Variants in SEZ6 observed in about 807,000 individuals in gnomAD.
The protein encoded by SEZ6 is seizure protein 6 homolog.
Under a neutral mutation model 101.0 loss-of-function variants are expected in SEZ6, and 53 were observed. The observed-to-expected ratio is 0.52, with a 90% confidence interval of 0.42 to 0.66. The LOEUF (loss-of-function observed/expected upper bound fraction) is 0.66, where lower values mean the gene tolerates loss of function less well. Among genes scored for constraint, SEZ6 ranks in the 30% least tolerant of loss-of-function variants. SEZ6 has a pLI of 0.00. For missense variants in SEZ6, 1,102 were observed against 1,289.4 expected (o/e 0.85, Z 2.23); for synonymous variants, 488 against 512.2 (o/e 0.95, Z 0.64).
chr17:28,987,704 G>A (rs574029475), intron 1 of SEZ6, among the ~76,000 whole-genome samples: 32 of 152,134 alleles, frequency 2.1e-4, no homozygotes, highest in Admixed American at 5.2e-4. Context: ...TCACTTACTC[G>A]GTGCCCACTG....
At chr17:28,985,288 T>C (rs2041364293) in intron 1 of SEZ6, among the ~76,000 whole-genome samples, 1 of 152,192 alleles carries the variant, frequency 6.6e-6, no homozygotes, top group Non-Finnish European at 1.5e-5. Flanking sequence ...GCTTCTGGCA[T>C]TGGGACTTGG....
chr17:28,966,292 G>A (rs1194107752), intron 4 of SEZ6, among the ~76,000 whole-genome samples: 1 of 147,206 alleles, frequency 6.8e-6, no homozygotes, highest in Non-Finnish European at 1.5e-5. Context: ...CAGCTAACAT[G>A]GTAAAACCCC....
chr17:29,003,788 G>C (rs1180237644), intron 1 of SEZ6, among the ~76,000 whole-genome samples: 2 of 152,160 alleles, frequency 1.3e-5, no homozygotes, highest in Non-Finnish European at 2.9e-5. Context: ...TCTCCCTTGG[G>C]GAGTGAAAAT....
At chr17:28,972,044 C>T (rs1567990009) in intron 3 of SEZ6, among the ~76,000 whole-genome samples, 1 of 152,274 alleles carries the variant, frequency 6.6e-6, no homozygotes. Flanking sequence ...CCACCCCTCA[C>T]TTCTGCCCCC....
chr17:28,960,732 A>G, intron 6 of SEZ6, 61 bp from the exon 7 acceptor site: 1 of 1,611,466 alleles, frequency 6.2e-7, no homozygotes, highest in East Asian at 2.2e-5. Context: ...GTGTGGCCCC[A>G]GGCTTGGGTA....
Position 28,982,152 on chromosome 17 carries a change from G to A in SEZ6, c.56-113C>T, listed in dbSNP as rs184713236. 619 of 1,428,380 alleles carry A rather than the reference G, an allele frequency of 4.3e-4. 1 individual carries two copies. Among genetic ancestry groups the A allele is most frequent in the Non-Finnish European group, 5.2e-4 (572 of 1,093,660 alleles). 88.5% of individuals were successfully genotyped at this position (1,428,380 alleles called of 1,614,324 possible). A position where few individuals can be genotyped will look rare whatever the true frequency, so the allele number is the denominator to read the frequency against. On this transcript the variant is annotated intron_variant, in intron 1 of 16. Transcript: ENST00000317338. ...CTTTTGACAGACAGCCCTGAGGAGC[G>A]TGCTCACTGCTGAGAATCACGGAAC...
At chr17:28,958,969 C>G in intron 10 of SEZ6, 56 bp downstream of exon 10, 4 of 1,549,950 alleles carry the variant, frequency 2.6e-6, no homozygotes, top group South Asian at 1.2e-5. Flanking sequence ...GCCCTAGCCT[C>G]TTTGGCTTGC....
Position 28,959,200 on chromosome 17 carries a change from A to G in SEZ6, c.1932T>C (p.Asp644=), listed in dbSNP as rs2040932996. The G allele has an allele frequency of 1.2e-6, 2 of 1,613,460 alleles. No homozygotes were observed. Among genetic ancestry groups the G allele is most frequent in the African/African-American group, 1.3e-5 (1 of 75,040 alleles). ...CATCCCCATCATAGAAGGTAAGCAC[A>G]TCACCAGGGCCTATGCGCAGCCTGT... is the stretch of plus-strand genomic sequence containing the variant. ...DIRVLRIGPG[D]VLTFYDGDDL... The change falls in exon 10 of 17, where the codon GAT becomes GAC. Residue 644 remains aspartate (D), a synonymous_variant. Coordinates refer to ENST00000317338, the MANE Select transcript of SEZ6 (RefSeq NM_178860.5). This position sits in a 1 kb window ranked among gnomAD's most constrained non-coding sequence, Gnocchi z 4.4.
At chr17:29,004,426 A>G (rs912022933) in intron 1 of SEZ6, among the ~76,000 whole-genome samples, 1 of 152,156 alleles carries the variant, frequency 6.6e-6, no homozygotes, top group African/African-American at 2.4e-5. Context: ...ACGTGAGCAC[A>G]CGGTTTCAAG....
At chr17:28,987,059 G>T (rs966965883) in intron 1 of SEZ6, among the ~76,000 whole-genome samples, 2 of 152,198 alleles carry the variant, frequency 1.3e-5, no homozygotes, top group Non-Finnish European at 2.9e-5. Flanking sequence ...GCATGACAGC[G>T]TGTGGGTACA....
At chr17:28,969,522 C>T (rs2041119259) in intron 4 of SEZ6, among the ~76,000 whole-genome samples, 1 of 152,152 alleles carries the variant, frequency 6.6e-6, no homozygotes, top group Admixed American at 6.5e-5. Context: ...GCTACCTGAT[C>T]CTGAGTCAAG....
chr17:29,003,094 G>C lies in SEZ6; in HGVS notation c.55+2721C>G, dbSNP rs116161796. On this transcript the variant is annotated intron_variant, in intron 1 of 16. Coordinates refer to ENST00000317338, the MANE Select transcript of SEZ6 (RefSeq NM_178860.5). The stretch of plus-strand genomic sequence containing the variant: ...GGCTTCCACCTTCATAATCTCCCTA[G>C]GCCACATTCACACATGCAGAGTTTA... 6.1e-3 allele frequency among the ~76,000 whole-genome samples: 922 copies of C among 152,232 alleles called. 10 individuals carry two copies. The highest frequency in any genetic ancestry group is 0.022 in the African/African-American group (896 of 41,516).
intron 1 of SEZ6, among the ~76,000 whole-genome samples, chr17:28,984,535 C>G (rs936556244): frequency 1.2e-4 from 19 of 152,208 alleles, no homozygotes; most frequent in African/African-American, 3.6e-4. Flanking sequence ...CGCTGGCTGC[C>G]AGGTGGGTGC....
At position 28,981,977 on chromosome 17, in the gene SEZ6, C is replaced by T; in HGVS notation, c.118G>A (p.Gly40Ser). Residue 40 changes from glycine (G) to serine (S), a missense_variant, in exon 2 of 17, where the codon GGC becomes AGC. By Grantham distance (56) the Gly-to-Ser change is moderately conservative (BLOSUM62 0). Coordinates refer to ENST00000317338, the MANE Select transcript of SEZ6 (RefSeq NM_178860.5). ...GGTGTGGGGGCTGCTGTCAGCTCGC[C>T]ATCTGTCTCCTCGATGCCTGGGGCT... ...GQAPGIEETD[G>S]ELTAAPTPEQ... The T allele has an allele frequency of 6.2e-7, 1 of 1,612,974 alleles. No individual in the cohort carries two copies. The highest frequency in any genetic ancestry group is 1.3e-5 in the African/African-American group (1 of 75,018).
rs760390674 is a variant in SEZ6, at chr17:28,981,565, G to C, written c.530C>G (p.Pro177Arg). 11 of 1,612,302 alleles carry C rather than the reference G, an allele frequency of 6.8e-6. No individual in the cohort carries two copies. The highest frequency in any genetic ancestry group is 9.3e-6 in the Non-Finnish European group (11 of 1,179,118). Residue 177 changes from proline (P) to arginine (R), a missense_variant, in exon 2 of 17, where the codon CCC becomes CGC. This residue lies in a region of SEZ6 where 406 missense variants were observed against 418.6 expected (regional missense o/e 0.97). Transcript: ENST00000317338. Reference sequence around the variant, plus strand: ...TTGGGTTGGTGTCCAGGCTCTGCTGGGGGGTGTAGTGCTGGCTATCTCCCC... The same window carrying C: ...TTGGGTTGGTGTCCAGGCTCTGCTGCGGGGTGTAGTGCTGGCTATCTCCCC... ...GPGEIASTTPPSRAWTPTQEG... is the reference protein window; with the variant it reads ...GPGEIASTTPRSRAWTPTQEG...
At chr17:28,962,985 G>A (rs1427743024) in intron 5 of SEZ6, among the ~76,000 whole-genome samples, 3 of 151,956 alleles carry the variant, frequency 2.0e-5, no homozygotes, top group Admixed American at 1.3e-4. Context: ...TTAGCTGGGA[G>A]TGGTGGCGGG....
At chr17:28,989,862 G>A (rs1334607999) in intron 1 of SEZ6, among the ~76,000 whole-genome samples, 1 of 152,174 alleles carries the variant, frequency 6.6e-6, no homozygotes, top group Non-Finnish European at 1.5e-5. Flanking sequence ...GAGGTCAGGA[G>A]TTCGAGACCA....
At chr17:28,985,602 G>T (rs764342447) in intron 1 of SEZ6, among the ~76,000 whole-genome samples, 1 of 152,240 alleles carries the variant, frequency 6.6e-6, no homozygotes, top group Non-Finnish European at 1.5e-5. Context: ...TGAAGGCTGA[G>T]GGAGAAGGCC....
At chr17:28,979,614 G>T in intron 3 of SEZ6, 66 bp downstream of exon 3, 1 of 1,606,434 alleles carries the variant, frequency 6.2e-7, no homozygotes, top group Admixed American at 1.7e-5. Context: ...CTCATAGCAT[G>T]TGCCTCTCTG....
Sources: gnomAD v4.1 joint callset for allele counts (sites outside exome capture counted in the v4.1 genomes callset) on GRCh38, gnomAD v4.1.1 for gene constraint, gnomAD v4.1.1 regional missense constraint, Gnocchi (gnomAD v3.1) non-coding constraint, MANE v1.5 for transcripts, NCBI Gene and HGNC (gene_info 2026-07-23, HGNC 2026-07-21) for gene names.